Variants in GALNT2 observed in about 807,000 individuals in gnomAD.
GALNT2 encodes the protein UDP-GalNAc:polypeptide N-acetylgalactosaminyltransferase 2.
GALNT2 carries 31 observed loss-of-function variants against 81.4 expected under a neutral mutation model. That is an observed-to-expected ratio of 0.38 (90% CI 0.29 to 0.51). The LOEUF (loss-of-function observed/expected upper bound fraction) is 0.51. Among genes scored for constraint, GALNT2 ranks in the 20% least tolerant of loss-of-function variants. GALNT2 has a pLI of 0.87. For synonymous variants in GALNT2, 303 were observed against 287.4 expected, an observed-to-expected ratio of 1.05 and a Z score of -0.55; for missense variants, 629 against 765.7, an observed-to-expected ratio of 0.82 and a Z score of 2.11.
intron 1 of GALNT2, among the ~76,000 whole-genome samples, chr1:230,106,516 C>T (rs1460823579): frequency 6.6e-6 from 1 of 152,208 alleles, no homozygotes. Flanking sequence ...TTAATTCCAT[C>T]TGTGAGGCAG....
rs74143156 is a variant in GALNT2, at chr1:230,262,496, G to A, written c.1137-77G>A. ...CCAGAGGGAGCCGCCTCAGTCACAC[G>A]CCAGCAGACAGGTGCAAATGGAGTG... On this transcript the variant is annotated intron_variant, in intron 11 of 15. Transcript: ENST00000366672. 655 of 1,288,708 alleles carry A rather than the reference G, an allele frequency of 5.1e-4. 7 individuals carry two copies. The African/African-American group carries it at 8.1e-3, about 16-fold the overall frequency. The allele number at this position is 1,288,708 out of a possible 1,614,324, so 79.8% of individuals were successfully genotyped here.
chr1:230,156,700 G>A (rs1662267859), intron 1 of GALNT2, among the ~76,000 whole-genome samples: 1 of 152,082 alleles, frequency 6.6e-6, no homozygotes, highest in Admixed American at 6.6e-5. Context: ...AAAGCAATGT[G>A]GAACTCGGGG....
intron 3 of GALNT2, among the ~76,000 whole-genome samples, chr1:230,232,806 C>G (rs900436451): frequency 1.3e-5 from 2 of 152,158 alleles, no homozygotes; most frequent in African/African-American, 4.8e-5. Context: ...AAAAACCAGC[C>G]TGTCAGTCTA....
intron 1 of GALNT2, among the ~76,000 whole-genome samples, chr1:230,094,869 C>T (rs965681947): frequency 3.3e-5 from 5 of 152,090 alleles, no homozygotes; most frequent in African/African-American, 9.7e-5. Flanking sequence ...GATCTCCCCA[C>T]GTAGAGACAG....
chr1:230,143,854 T>G (rs1297663252), intron 1 of GALNT2, among the ~76,000 whole-genome samples: 2 of 152,238 alleles, frequency 1.3e-5, no homozygotes, highest in African/African-American at 4.8e-5. Flanking sequence ...TCATCTTGTT[T>G]GTCCTGATGA....
At chr1:230,100,027 C>T (rs60560563) in intron 1 of GALNT2, among the ~76,000 whole-genome samples, 2 of 152,196 alleles carry the variant, frequency 1.3e-5, no homozygotes, top group Non-Finnish European at 2.9e-5. Context: ...CAGTGTTGAT[C>T]TGAGGATATA....
chr1:230,218,857 G>C (rs111648337), intron 3 of GALNT2, among the ~76,000 whole-genome samples: 1 of 152,214 alleles, frequency 6.6e-6, no homozygotes. Context: ...ACCAGGCCAC[G>C]CAGCAGGACG....
intron 3 of GALNT2, among the ~76,000 whole-genome samples, chr1:230,206,650 C>G (rs368011860): frequency 1.6e-3 from 246 of 152,196 alleles, no homozygotes; most frequent in African/African-American, 5.7e-3. Context: ...TGTTTTTTGT[C>G]TCTGCAGTAT....
intron 1 of GALNT2, among the ~76,000 whole-genome samples, chr1:230,061,843 C>T (rs55815322): frequency 0.026 from 3,963 of 152,250 alleles, 181 homozygotes; most frequent in African/African-American, 0.088. Context: ...GCATGGAGTG[C>T]TTTCCAGTGA....
intron 1 of GALNT2, among the ~76,000 whole-genome samples, chr1:230,110,014 A>C (rs1459299967): frequency 6.6e-6 from 1 of 152,150 alleles, no homozygotes; most frequent in African/African-American, 2.4e-5. Context: ...CCTGGTGTAC[A>C]CCCGTCTGGG....
intron 1 of GALNT2, among the ~76,000 whole-genome samples, chr1:230,130,614 C>T (rs1007435863): frequency 1.6e-4 from 24 of 152,172 alleles, no homozygotes; most frequent in African/African-American, 5.8e-4. Context: ...TGTGTCTCCC[C>T]TAAGTAGGAT....
Position 230,275,245 on chromosome 1 carries a change from CAT to C in GALNT2, c.1560+687_1560+688del, listed in dbSNP as rs1666264137. On this transcript the variant is annotated intron_variant, in intron 15 of 15. Coordinates refer to ENST00000366672, the MANE Select transcript of GALNT2 (RefSeq NM_004481.5). This position sits in a 1 kb window ranked among gnomAD's most constrained non-coding sequence, Gnocchi z 5.5. Reference sequence around the variant, plus strand: ...CACATATATGCATATGTAAACACCGCATATATACATATATACACACCACATGT... The same window carrying C: ...CACATATATGCATATGTAAACACCGCATATACATATATACACACCACATGT... Among the ~76,000 whole-genome samples the C allele has an allele frequency of 6.6e-6, 1 of 150,916 alleles. No homozygotes were observed. The highest frequency in any genetic ancestry group is 2.1e-4 in the South Asian group (1 of 4,798).
At chr1:230,095,820 C>G (rs1220982569) in intron 1 of GALNT2, among the ~76,000 whole-genome samples, 1 of 152,206 alleles carries the variant, frequency 6.6e-6, no homozygotes, top group Non-Finnish European at 1.5e-5. Flanking sequence ...GTCCAGGCTG[C>G]TCTGCTGGAG....
chr1:230,118,337 A>G (rs893842056), intron 1 of GALNT2, among the ~76,000 whole-genome samples: 5 of 152,266 alleles, frequency 3.3e-5, no homozygotes, highest in East Asian at 1.9e-4. Context: ...TTGTGTGGAC[A>G]TAAGTTTTCA....
intron 1 of GALNT2, among the ~76,000 whole-genome samples, chr1:230,134,291 T>C (rs1312063524): frequency 6.6e-6 from 1 of 152,110 alleles, no homozygotes; most frequent in African/African-American, 2.4e-5. Flanking sequence ...GTATTTTTAG[T>C]AGAGACGGGG....
intron 1 of GALNT2, among the ~76,000 whole-genome samples, chr1:230,173,432 G>C (rs946885249): frequency 3.3e-5 from 5 of 152,228 alleles, no homozygotes; most frequent in African/African-American, 1.2e-4. Context: ...AGCACCATCT[G>C]TCTGTGGGGT....
At chr1:230,232,254 CTT>C (rs1356679548) in intron 3 of GALNT2, among the ~76,000 whole-genome samples, 3 of 152,322 alleles carry the variant, frequency 2.0e-5, no homozygotes, top group South Asian at 4.1e-4. Flanking sequence ...TTTTATCTCT[CTT>C]TGCCTTAAAA....
At chr1:230,082,808 C>T (rs1253741181) in intron 1 of GALNT2, among the ~76,000 whole-genome samples, 1 of 152,018 alleles carries the variant, frequency 6.6e-6, no homozygotes, top group African/African-American at 2.4e-5. Context: ...AATAGGGGAT[C>T]CAGGATGATA....
At chr1:230,179,981 GA>G (rs1663106423) in intron 2 of GALNT2, among the ~76,000 whole-genome samples, 1 of 152,200 alleles carries the variant, frequency 6.6e-6, no homozygotes, top group African/African-American at 2.4e-5. Context: ...GTGCAGTGGT[GA>G]AATCTCAGCT....
Sources: allele counts gnomAD v4.1 joint callset (sites outside exome capture counted in the v4.1 genomes callset), GRCh38; gene constraint gnomAD v4.1.1; non-coding constraint Gnocchi (gnomAD v3.1); transcripts MANE v1.5; gene names NCBI Gene and HGNC (gene_info 2026-07-23, HGNC 2026-07-21).